The following ZC3H12B variants were observed in gnomAD, a reference collection of about 807,000 sequenced individuals.
The protein encoded by ZC3H12B is probable ribonuclease ZC3H12B.
In ZC3H12B, 7 loss-of-function variants were observed where a neutral mutation model predicts 43.9. That is an observed-to-expected ratio of 0.16 (90% CI 0.09 to 0.30). The LOEUF (loss-of-function observed/expected upper bound fraction) is 0.30. ZC3H12B is among the 10% of genes least tolerant of loss of function. The pLI is 1.00. For synonymous variants in ZC3H12B, 222 were observed against 241.7 expected (o/e 0.92, Z 0.76); for missense variants, 475 against 670.2 (o/e 0.71, Z 3.22).
intron 3 of ZC3H12B, among the ~76,000 whole-genome samples, chrX:65,432,724 A>G (rs2067178137): frequency 1.8e-5 from 2 of 112,049 alleles, no homozygotes; most frequent in African/African-American, 6.5e-5. Flanking sequence ...TGTATCCTTT[A>G]CCTTAGAAGG....
chrX:65,334,361 C>T, the ZC3H12B span, among the ~76,000 whole-genome samples: 4 of 112,129 alleles, frequency 3.6e-5, no homozygotes, highest in African/African-American at 1.3e-4. Context: ...GCTTTTTCCT[C>T]TCTAACTTAA....
At chrX:65,343,215 C>A in the ZC3H12B span, among the ~76,000 whole-genome samples, 1 of 110,720 alleles carries the variant, frequency 9.0e-6, no homozygotes, top group Non-Finnish European at 1.9e-5. Context: ...AGCCCAATAC[C>A]ATACTGACTC....
intron 3 of ZC3H12B, among the ~76,000 whole-genome samples, chrX:65,433,549 G>A (rs778367330): frequency 8.9e-6 from 1 of 111,762 alleles, no homozygotes; most frequent in South Asian, 3.7e-4. Flanking sequence ...TGGGCCCATT[G>A]TGAGATTAAT....
At chrX:65,127,615 C>T in the ZC3H12B span, among the ~76,000 whole-genome samples, 1 of 111,031 alleles carries the variant, frequency 9.0e-6, no homozygotes, top group Non-Finnish European at 1.9e-5. Flanking sequence ...TCTTTGGCTA[C>T]CAGGGTAGGT....
chrX:65,312,606 A>C, the ZC3H12B span, among the ~76,000 whole-genome samples: 9 of 111,873 alleles, frequency 8.0e-5, no homozygotes, highest in African/African-American at 2.6e-4. Flanking sequence ...AGAAAATACC[A>C]TAAACTAGGT....
intron 3 of ZC3H12B, among the ~76,000 whole-genome samples, chrX:65,433,613 C>A (rs1302386558): frequency 9.0e-6 from 1 of 111,650 alleles, no homozygotes; most frequent in African/African-American, 3.2e-5. Context: ...ATCTTATAAA[C>A]CACAATTTTA....
intron 3 of ZC3H12B, among the ~76,000 whole-genome samples, chrX:65,402,480 G>A (rs1474673973): frequency 3.6e-5 from 4 of 111,451 alleles, no homozygotes; most frequent in Non-Finnish European, 7.5e-5. Flanking sequence ...ATAAGCAGTA[G>A]CCAGGAAGTG....
intron 3 of ZC3H12B, among the ~76,000 whole-genome samples, chrX:65,481,223 C>T (rs1381197478): frequency 9.0e-6 from 1 of 111,702 alleles, no homozygotes; most frequent in Admixed American, 9.5e-5. Flanking sequence ...TTTCACCTCT[C>T]TTACCTCAGA....
the ZC3H12B span, among the ~76,000 whole-genome samples, chrX:65,174,380 G>A: frequency 1.8e-5 from 2 of 112,161 alleles, no homozygotes; most frequent in African/African-American, 6.5e-5. Flanking sequence ...CTTCCTTTTG[G>A]CAGAATAACA....
At chrX:65,373,936 TATATATATAGTTATATATATA>T (rs2066291464) in intron 2 of ZC3H12B, among the ~76,000 whole-genome samples, 1 of 41,819 alleles carries the variant, frequency 2.4e-5, no homozygotes, top group Admixed American at 3.3e-4. Context: ...ATATATAGTA[TATATATATAGTTATATATATA>T]TACTGTATAT....
chrX:65,304,214 T>TTACA, the ZC3H12B span, among the ~76,000 whole-genome samples: 1 of 111,977 alleles, frequency 8.9e-6, no homozygotes, highest in Non-Finnish European at 1.9e-5. Context: ...AGAAATAGGC[T>TTACA]TACATACATA....
At chrX:65,408,606 C>A in intron 3 of ZC3H12B, 2 of 1,126,186 alleles carry the variant, frequency 1.8e-6, no homozygotes, top group Non-Finnish European at 2.4e-6. Flanking sequence ...AGTGGGCAAT[C>A]TCACTTGGCA....
chrX:65,213,412 C>T, the ZC3H12B span, among the ~76,000 whole-genome samples: 4 of 111,320 alleles, frequency 3.6e-5, no homozygotes, highest in African/African-American at 1.3e-4. Flanking sequence ...AACGGGATCA[C>T]TTGGCTCATA....
At chrX:65,451,653 G>A (rs1440032685) in intron 3 of ZC3H12B, among the ~76,000 whole-genome samples, 1 of 111,737 alleles carries the variant, frequency 8.9e-6, no homozygotes, top group African/African-American at 3.2e-5. Context: ...TGTTGTCATT[G>A]TTATATATGA....
the ZC3H12B span, among the ~76,000 whole-genome samples, chrX:65,179,567 A>G: frequency 9.0e-6 from 1 of 110,720 alleles, no homozygotes; most frequent in Non-Finnish European, 1.9e-5. Context: ...GGGTTTTTTA[A>G]AAGACTAACA....
the ZC3H12B span, among the ~76,000 whole-genome samples, chrX:65,248,496 C>G: frequency 8.9e-6 from 1 of 111,746 alleles, no homozygotes; most frequent in African/African-American, 3.3e-5. Context: ...ATTAAATCAG[C>G]AAATATTTAT....
At chrX:65,158,582 G>A in the ZC3H12B span, among the ~76,000 whole-genome samples, 3 of 111,978 alleles carry the variant, frequency 2.7e-5, no homozygotes, top group Non-Finnish European at 3.8e-5. Context: ...TTTGAGAAGT[G>A]TCTGTTCGTG....
chrX:65,216,181 A>G, the ZC3H12B span, among the ~76,000 whole-genome samples: 1 of 112,109 alleles, frequency 8.9e-6, no homozygotes, highest in Non-Finnish European at 1.9e-5. Flanking sequence ...ACAAGTGGTC[A>G]CAGTATCTGG....
At chrX:65,502,390 G>T in exon 5 of ZC3H12B, 1 of 1,211,437 alleles carries the variant, frequency 8.3e-7, no homozygotes, top group Non-Finnish European at 1.1e-6. Flanking sequence ...ATAACCGAGA[G>T]TATTACATGG....
Sources: gnomAD v4.1 joint callset for allele counts (sites outside exome capture counted in the v4.1 genomes callset) on GRCh38, gnomAD v4.1.1 for gene constraint, MANE v1.5 for transcripts, NCBI Gene and HGNC (gene_info 2026-07-23, HGNC 2026-07-21) for gene names.